The following MRPL48 variants were observed in gnomAD, a reference collection of about 807,000 sequenced individuals.
MRPL48 encodes the protein large ribosomal subunit protein mL48.
MRPL48 carries 16 observed loss-of-function variants against 32.9 expected under a neutral mutation model. The observed-to-expected ratio is 0.49, with a 90% confidence interval of 0.33 to 0.74. MRPL48 has a LOEUF of 0.74. MRPL48 is among the 30% of genes least tolerant of loss of function. The pLI, the probability that MRPL48 is intolerant of heterozygous loss-of-function variation, is 0.02. For synonymous variants in MRPL48, 94 were observed against 89.2 expected (o/e 1.05, Z -0.31); for missense variants, 206 against 245.3 (o/e 0.84, Z 1.07).
intron 1 of MRPL48, among the ~76,000 whole-genome samples, chr11:73,798,443 A>T (rs1227708001): frequency 6.6e-6 from 1 of 152,090 alleles, no homozygotes; most frequent in Non-Finnish European, 1.5e-5. Context: ...GGCAATGATT[A>T]TTGCCTTCAA....
chr11:73,841,367 A>G (rs901120410), intron 4 of MRPL48, among the ~76,000 whole-genome samples: 1 of 152,210 alleles, frequency 6.6e-6, no homozygotes, highest in Non-Finnish European at 1.5e-5. Context: ...ACTATTCATA[A>G]CGGCCCCATA....
chr11:73,814,370 A>G (rs1256991348), intron 3 of MRPL48, among the ~76,000 whole-genome samples: 1 of 151,520 alleles, frequency 6.6e-6, no homozygotes, highest in Non-Finnish European at 1.5e-5. Context: ...CTAGCCTGGA[A>G]GACAGCACGA....
chr11:73,853,107 G>A (rs1948428910), intron 5 of MRPL48, among the ~76,000 whole-genome samples: 1 of 150,574 alleles, frequency 6.6e-6, no homozygotes, highest in Non-Finnish European at 1.5e-5. Flanking sequence ...GAAGGGCAGT[G>A]GGGGCTGGGG....
At position 73,864,301 on chromosome 11, in the gene MRPL48, T is replaced by G. The variant is rs549969097; in HGVS notation, c.570T>G (p.Thr190=). ...TTTCTTTTTCTTCTCCTTAGCACACTGAAGAAGACTTCAAGGGACGATTCA... is the reference window on the plus strand; with the variant it reads ...TTTCTTTTTCTTCTCCTTAGCACACGGAAGAAGACTTCAAGGGACGATTCA... ...EGVRLSVKEH[T]EEDFKGRFKA... is the part of the protein sequence containing the mutation. Residue 190 remains threonine, a synonymous_variant, in exon 8 of 8, where the codon ACT becomes ACG. Coordinates refer to ENST00000310614, the MANE Select transcript of MRPL48 (RefSeq NM_016055.6). 1.2e-6 allele frequency: 2 copies of G among 1,613,756 alleles called. No individual in the cohort carries two copies. Among genetic ancestry groups the G allele is most frequent in the African/African-American group, 2.7e-5 (2 of 75,058 alleles).
At chr11:73,843,121 C>T (rs1388729113) in intron 4 of MRPL48, 2 of 152,058 alleles carry the variant, frequency 1.3e-5, no homozygotes, top group Non-Finnish European at 2.9e-5. Flanking sequence ...CTATAAGTCC[C>T]TCTCTTTATG....
chr11:73,834,374 A>C (rs772187423), intron 4 of MRPL48, among the ~76,000 whole-genome samples: 11 of 152,142 alleles, frequency 7.2e-5, no homozygotes, highest in Non-Finnish European at 1.6e-4. Flanking sequence ...TTATCATATT[A>C]CTTCTATCTC....
At chr11:73,800,409 C>T (rs757759477) in intron 1 of MRPL48, among the ~76,000 whole-genome samples, 4 of 152,142 alleles carry the variant, frequency 2.6e-5, no homozygotes, top group Non-Finnish European at 4.4e-5. Context: ...AGACCCCTGA[C>T]CCACTGCTCT....
intron 5 of MRPL48, among the ~76,000 whole-genome samples, chr11:73,858,435 C>T (rs536710429): frequency 6.6e-6 from 1 of 152,326 alleles, no homozygotes; most frequent in Non-Finnish European, 1.5e-5. Flanking sequence ...TAATAATTGG[C>T]AGAGCCAATA....
intron 4 of MRPL48, 88 bp downstream of exon 4, chr11:73,825,884 T>C (rs977009695): frequency 8.8e-7 from 1 of 1,141,252 alleles, no homozygotes; most frequent in Admixed American, 2.7e-5. Flanking sequence ...TTTGATAATA[T>C]TGGAGCTAGA....
intron 5 of MRPL48, 94 bp downstream of exon 5, chr11:73,845,070 A>T: frequency 8.0e-7 from 1 of 1,249,688 alleles, no homozygotes; most frequent in Non-Finnish European, 1.1e-6. Flanking sequence ...GTTTACATGT[A>T]GTAAAATTAA....
chr11:73,802,767 A>G (rs2134956495), intron 1 of MRPL48, among the ~76,000 whole-genome samples: 1 of 151,838 alleles, frequency 6.6e-6, no homozygotes, highest in South Asian at 2.1e-4. Context: ...TGGCACAGTC[A>G]CGGCTTATTG....
chr11:73,808,205 A>C, intron 2 of MRPL48, 108 bp from the exon 3 acceptor site: 1 of 1,113,096 alleles, frequency 9.0e-7, no homozygotes, highest in Non-Finnish European at 1.3e-6. Context: ...AGAAGGAGTA[A>C]GGAAACAGCA....
At position 73,816,830 on chromosome 11, in the gene MRPL48, A is replaced by T. The variant is rs187593396; in HGVS notation, c.112+8480A>T. On this transcript the variant is annotated intron_variant, in intron 3 of 7. Transcript: ENST00000310614. ...TCATTTTTTGTTTATTTTGTTTATT[A>T]TTTTTTTTTTTTTGAGACGGAGTCT... 5.5e-3 allele frequency among the ~76,000 whole-genome samples: 774 copies of T among 141,746 alleles called. 6 individuals carry two copies. The highest frequency in any genetic ancestry group is 0.017 in the African/African-American group (655 of 38,458). 93.0% of individuals were successfully genotyped at this position (141,746 alleles called of 152,430 possible). A position where few individuals can be genotyped will look rare whatever the true frequency, so the allele number is the denominator to read the frequency against.
At chr11:73,825,028 C>A (rs183330969) in intron 3 of MRPL48, among the ~76,000 whole-genome samples, 57 of 152,284 alleles carry the variant, frequency 3.7e-4, no homozygotes, top group Non-Finnish European at 3.7e-4. Flanking sequence ...CTGCTGTTCC[C>A]AGAGGAGCTT....
chr11:73,823,872 T>C (rs74751499), intron 3 of MRPL48, among the ~76,000 whole-genome samples: 6 of 151,650 alleles, frequency 4.0e-5, no homozygotes, highest in Admixed American at 6.6e-5. Context: ...CTTTTTTTTT[T>C]TGAGACGGAG....
intron 4 of MRPL48, among the ~76,000 whole-genome samples, chr11:73,839,707 T>C (rs984985588): frequency 2.6e-5 from 4 of 152,204 alleles, no homozygotes; most frequent in African/African-American, 4.8e-5. Flanking sequence ...GATGTCTCCA[T>C]GATCTTAAGG....
At chr11:73,863,867 G>A (rs1948625437) in intron 7 of MRPL48, among the ~76,000 whole-genome samples, 2 of 152,086 alleles carry the variant, frequency 1.3e-5, no homozygotes, top group Admixed American at 1.3e-4. Flanking sequence ...GTCCATCCTT[G>A]TCAAGCTTCT....
chr11:73,810,624 T>A (rs1947550169), intron 3 of MRPL48, among the ~76,000 whole-genome samples: 1 of 151,856 alleles, frequency 6.6e-6, no homozygotes, highest in East Asian at 1.9e-4. Flanking sequence ...TTTTGTTACA[T>A]AGATACACGT....
chr11:73,829,787 C>T (rs1947960133), intron 4 of MRPL48, among the ~76,000 whole-genome samples: 1 of 152,110 alleles, frequency 6.6e-6, no homozygotes, highest in South Asian at 2.1e-4. Flanking sequence ...GTTTTTGAGA[C>T]AGGTTCTCGC....
Sources: gnomAD v4.1 joint callset for allele counts (sites outside exome capture counted in the v4.1 genomes callset) on GRCh38, gnomAD v4.1.1 for gene constraint, MANE v1.5 for transcripts, NCBI Gene and HGNC (gene_info 2026-07-23, HGNC 2026-07-21) for gene names.